The following CFAP61 variants were observed in gnomAD, a reference collection of about 807,000 sequenced individuals.
The protein encoded by CFAP61 is cilia- and flagella-associated protein 61.
CFAP61 carries 107 observed loss-of-function variants against 135.6 expected under a neutral mutation model. The ratio of observed to expected loss-of-function variants is 0.79; its 90% CI spans 0.67 to 0.93. The LOEUF (loss-of-function observed/expected upper bound fraction) is 0.93. CFAP61 is among the 40% of genes least tolerant of loss of function. The pLI is 0.00. For synonymous variants in CFAP61, 575 were observed against 578.5 expected (o/e 0.99, Z 0.09); for missense variants, 1,507 against 1,556.2 (o/e 0.97, Z 0.53).
At chr20:20,086,769 A>G (rs551066035) in intron 6 of CFAP61, among the ~76,000 whole-genome samples, 51 of 152,264 alleles carry the variant, frequency 3.3e-4, no homozygotes, top group Admixed American at 3.1e-3. Flanking sequence ...CCTAAAGAGC[A>G]TTTTCCGTGG....
At chr20:20,056,853 C>T in intron 2 of CFAP61, 57 bp downstream of exon 2, 1 of 1,520,576 alleles carries the variant, frequency 6.6e-7, no homozygotes, top group South Asian at 1.2e-5. Context: ...TGCAGTAGCT[C>T]ACACCTGTAA....
chr20:20,228,382 T>G lies in CFAP61; in HGVS notation c.2060+6T>G. On this transcript the variant is annotated splice_donor_region_variant and intron_variant, in intron 18 of 26. Transcript: ENST00000245957. ...CTAGAGACATTGGTATTTTGGTGAG[T>G]TGTTTCACTCTATTGATTGATTGGT... 6.2e-7 allele frequency: 1 copy of G among 1,602,928 alleles called. No homozygotes were observed. The highest frequency in any genetic ancestry group is 8.5e-7 in the Non-Finnish European group (1 of 1,170,780).
chr20:20,216,911 G>A (rs754062155), intron 17 of CFAP61, among the ~76,000 whole-genome samples: 2 of 152,000 alleles, frequency 1.3e-5, no homozygotes, highest in Non-Finnish European at 2.9e-5. Context: ...TTAGCCTTGT[G>A]TGTTTTATTA....
At chr20:20,269,203 G>A (rs373993443) in intron 21 of CFAP61, among the ~76,000 whole-genome samples, 34 of 129,846 alleles carry the variant, frequency 2.6e-4, no homozygotes, top group South Asian at 4.9e-4. Flanking sequence ...ATACATATAT[G>A]TATATATACA....
chr20:20,207,401 C>T (rs1040565143), intron 17 of CFAP61, among the ~76,000 whole-genome samples: 1 of 152,230 alleles, frequency 6.6e-6, no homozygotes, highest in Non-Finnish European at 1.5e-5. Context: ...AATGCATTCT[C>T]CTCCCTGCAG....
intron 8 of CFAP61, among the ~76,000 whole-genome samples, chr20:20,137,907 A>T (rs1049848235): frequency 6.6e-6 from 1 of 152,148 alleles, no homozygotes; most frequent in Non-Finnish European, 1.5e-5. Flanking sequence ...GCCCATGGCG[A>T]GTACTACCTG....
rs372367488 is a variant in CFAP61, at chr20:20,265,431, A to C, written c.2503+2301A>C. 7 of 779,680 alleles carry C rather than the reference A, an allele frequency of 9.0e-6. No homozygotes were observed. The African/African-American group carries it at 1.0e-4, about 11-fold the overall frequency. 48.3% of individuals were successfully genotyped at this position (779,680 alleles called of 1,614,324 possible). A position where few individuals can be genotyped will look rare whatever the true frequency, so the allele number is the denominator to read the frequency against. ...GGTTCTCAGATGGAGGAAGAGCATC[A>C]GTGTTATTCTGCTGACTTGCCCAGT... On this transcript the variant is annotated intron_variant, in intron 21 of 26. Coordinates refer to ENST00000245957, the MANE Select transcript of CFAP61 (RefSeq NM_015585.4).
chr20:20,295,244 G>A, intron 24 of CFAP61, among the ~76,000 whole-genome samples: 1 of 152,130 alleles, frequency 6.6e-6, no homozygotes, highest in East Asian at 1.9e-4. Context: ...TAAGCTGAAG[G>A]TGGGGGATTT....
At chr20:20,261,022 T>C (rs1204675921) in intron 20 of CFAP61, among the ~76,000 whole-genome samples, 1 of 152,230 alleles carries the variant, frequency 6.6e-6, no homozygotes, top group African/African-American at 2.4e-5. Flanking sequence ...AAACGAGCTA[T>C]ATTACTAATA....
rs200499872 is a variant in CFAP61, at chr20:20,288,682, A to G, written c.2870A>G (p.Tyr957Cys). Reference protein sequence around the residue: ...FKALNDACLVYDSRLVIDTNF... With the variant: ...FKALNDACLVCDSRLVIDTNF... The stretch of plus-strand genomic sequence containing the variant: ...GCCCTCAATGATGCATGTCTTGTGT[A>G]TGACAGTCGACTTGTGATTGATACC... The change falls in exon 23 of 27, where the codon TAT becomes TGT. Residue 957 changes from tyrosine to cysteine, a missense_variant. Tyr to Cys is a radical substitution (Grantham distance 194). Transcript: ENST00000245957. 1.9e-6 allele frequency: 3 copies of G among 1,614,146 alleles called. No individual in the cohort carries two copies. Among genetic ancestry groups the G allele is most frequent in the Non-Finnish European group, 2.5e-6 (3 of 1,179,952 alleles).
At chr20:20,208,901 C>T (rs1351953055) in intron 17 of CFAP61, among the ~76,000 whole-genome samples, 1 of 152,156 alleles carries the variant, frequency 6.6e-6, no homozygotes, top group Non-Finnish European at 1.5e-5. Flanking sequence ...TGACTTAAAG[C>T]AAAGGACAAG....
intron 25 of CFAP61, among the ~76,000 whole-genome samples, chr20:20,325,187 T>C (rs1482936873): frequency 1.3e-5 from 2 of 152,220 alleles, no homozygotes; most frequent in Non-Finnish European, 2.9e-5. Flanking sequence ...TTTACATCTT[T>C]AGTGTGGTCT....
intron 25 of CFAP61, among the ~76,000 whole-genome samples, chr20:20,314,346 C>T (rs1393994131): frequency 6.8e-6 from 1 of 147,426 alleles, no homozygotes; most frequent in Non-Finnish European, 1.5e-5. Flanking sequence ...GCCAAGATTG[C>T]ACCACTGCAC....
At chr20:20,093,586 C>T (rs930993514) in intron 7 of CFAP61, among the ~76,000 whole-genome samples, 24 of 151,890 alleles carry the variant, frequency 1.6e-4, no homozygotes, top group Non-Finnish European at 2.8e-4. Flanking sequence ...ATGCATGTGC[C>T]ACCACACCAG....
intron 25 of CFAP61, chr20:20,323,338 C>G (rs1458702479): frequency 1.0e-6 from 1 of 982,784 alleles, no homozygotes. Context: ...CAGACAGTCC[C>G]CTACTTTCAA....
rs560384873 is a variant in CFAP61, at chr20:20,150,806, A to G, written c.951+7858A>G. ...GGTTACCAGACCCAGAAGAGAAATA[A>G]CAATCACTGCAATTTGGCTCTCAGG... On this transcript the variant is annotated intron_variant, in intron 9 of 26. Coordinates refer to ENST00000245957, the MANE Select transcript of CFAP61 (RefSeq NM_015585.4). Among the ~76,000 whole-genome samples the G allele has an allele frequency of 3.5e-4, 54 of 152,276 alleles. No homozygotes were observed. In the South Asian group the frequency reaches 0.011, roughly 32 times the overall value.
intron 20 of CFAP61, chr20:20,253,525 A>C: frequency 2.2e-6 from 1 of 454,674 alleles, no homozygotes; most frequent in East Asian, 6.4e-5. Context: ...TGACCAGAGA[A>C]TCTACATGTA....
chr20:20,244,032 G>T (rs2050230849), intron 18 of CFAP61, among the ~76,000 whole-genome samples: 1 of 152,216 alleles, frequency 6.6e-6, no homozygotes. Flanking sequence ...AGGTCATGCT[G>T]ATGCAAGAGG....
chr20:20,161,222 G>T (rs111901121), intron 10 of CFAP61, among the ~76,000 whole-genome samples: 1 of 152,116 alleles, frequency 6.6e-6, no homozygotes, highest in African/African-American at 2.4e-5. Context: ...GAGGGTAGCC[G>T]TTCCGTTATG....
Sources: allele counts gnomAD v4.1 joint callset (sites outside exome capture counted in the v4.1 genomes callset), GRCh38; gene constraint gnomAD v4.1.1; transcripts MANE v1.5; gene names NCBI Gene and HGNC (gene_info 2026-07-23, HGNC 2026-07-21).